Variants in RARS1 observed in about 807,000 individuals in gnomAD.
RARS1 encodes the protein arginine--tRNA ligase, cytoplasmic.
Under a neutral mutation model 78.7 loss-of-function variants are expected in RARS1, and 75 were observed. The observed-to-expected ratio is 0.95, with a 90% CI of 0.79 to 1.15. The LOEUF is 1.15. Among genes scored for constraint, RARS1 ranks in the 50% most tolerant of loss-of-function variants. The probability of loss-of-function intolerance (pLI) is 0.00; values close to 1 mark genes in which losing one functional copy is unlikely to be tolerated. For missense variants in RARS1, 787 were observed against 787.5 expected (o/e 1.00, Z 0.01); for synonymous variants, 273 against 268.2 (o/e 1.02, Z -0.18).
intron 5 of RARS1, 73 bp downstream of exon 5, chr5:168,494,723 T>C (rs1370598961): frequency 1.9e-6 from 2 of 1,080,038 alleles, no homozygotes; most frequent in East Asian, 4.8e-5. Flanking sequence ...GGTATGTGCC[T>C]ATAGTCTCAG....
chr5:168,504,741 C>T (rs1316065174), intron 9 of RARS1, among the ~76,000 whole-genome samples: 10 of 151,962 alleles, frequency 6.6e-5, no homozygotes, highest in African/African-American at 2.2e-4. Flanking sequence ...AGGAGAATGG[C>T]GTGAACCCGG....
intron 9 of RARS1, among the ~76,000 whole-genome samples, chr5:168,505,714 GAAAAAAA>G (rs60743864): frequency 2.6e-5 from 3 of 114,246 alleles, no homozygotes; most frequent in Admixed American, 9.0e-5. Flanking sequence ...TATCAAAAAA[GAAAAAAA>G]AAAAAAAAAA....
At chr5:168,513,722 A>G (rs1345400313) in intron 12 of RARS1, among the ~76,000 whole-genome samples, 1 of 152,046 alleles carries the variant, frequency 6.6e-6, no homozygotes, top group South Asian at 2.1e-4. Context: ...ATTATTTTGC[A>G]TTAGACAATC....
chr5:168,494,030 A>G (rs1758134815), intron 4 of RARS1, 28 bp downstream of exon 4: 1 of 1,548,658 alleles, frequency 6.5e-7, no homozygotes, highest in Non-Finnish European at 8.9e-7. Context: ...CCTTCTTAAT[A>G]GTTGTATTGA....
Position 168,492,789 on chromosome 5 carries a change from C to A in RARS1, c.311C>A (p.Pro104Gln), listed in dbSNP as rs761341589. The A allele has an allele frequency of 6.2e-7, 1 of 1,613,736 alleles. No homozygotes were observed. The part of the protein sequence containing the change: ...DLENPPLLVT[P>Q]SQQAKFGDYQ... Reference sequence around the variant, plus strand: ...GAAAATCCTCCTCTGCTAGTGACACCAAGTCAGCAGGCCAAGTTTGGGGAC... The same window carrying A: ...GAAAATCCTCCTCTGCTAGTGACACAAAGTCAGCAGGCCAAGTTTGGGGAC... Residue 104 changes from proline (P) to glutamine (Q), a missense_variant, in exon 3 of 15, where the codon CCA becomes CAA. Transcript: ENST00000231572.
At chr5:168,505,860 A>G (rs1360777252) in intron 9 of RARS1, among the ~76,000 whole-genome samples, 161 bp from the exon 10 acceptor site, 1 of 152,138 alleles carries the variant, frequency 6.6e-6, no homozygotes, top group African/African-American at 2.4e-5. Context: ...TTTCTAATAG[A>G]TCATGGTGAG....
intron 13 of RARS1, among the ~76,000 whole-genome samples, chr5:168,517,436 C>T (rs1254206409): frequency 1.3e-5 from 2 of 152,194 alleles, no homozygotes; most frequent in Non-Finnish European, 2.9e-5. Flanking sequence ...AGCCATCACG[C>T]TCAGCCTAAA....
chr5:168,511,715 A>G (rs901518095), intron 12 of RARS1, among the ~76,000 whole-genome samples: 2 of 152,198 alleles, frequency 1.3e-5, no homozygotes, highest in Non-Finnish European at 2.9e-5. Flanking sequence ...TTTTACATAT[A>G]TATGCCTTAG....
At position 168,492,779 on chromosome 5, in the gene RARS1, C is replaced by G. The variant is rs2152903681; in HGVS notation, c.301C>G (p.Leu101Val). 1 of 1,613,880 alleles carries G rather than the reference C, an allele frequency of 6.2e-7. No homozygotes were observed. Among genetic ancestry groups the G allele is most frequent in the Non-Finnish European group, 8.5e-7 (1 of 1,179,806 alleles). ...TCCAGATTTGGAAAATCCTCCTCTG[C>G]TAGTGACACCAAGTCAGCAGGCCAA... ...AYPDLENPPL[L>V]VTPSQQAKFG... Residue 101 changes from leucine (L) to valine (V), a missense_variant, in exon 3 of 15, where the codon CTA becomes GTA. Transcript: ENST00000231572.
intron 7 of RARS1, 92 bp from the exon 8 acceptor site, chr5:168,500,499 T>TTG: frequency 1.6e-6 from 2 of 1,215,628 alleles, no homozygotes; most frequent in Non-Finnish European, 2.1e-6. Flanking sequence ...CTCACTGTGT[T>TTG]TGTGTGTGTA....
chr5:168,511,638 C>T (rs914135360), intron 12 of RARS1, among the ~76,000 whole-genome samples: 1 of 152,108 alleles, frequency 6.6e-6, no homozygotes, highest in African/African-American at 2.4e-5. Flanking sequence ...CTCTTTTTAA[C>T]CACTCCAGCT....
At chr5:168,510,206 C>A (rs1276100636) in intron 11 of RARS1, among the ~76,000 whole-genome samples, 2 of 152,138 alleles carry the variant, frequency 1.3e-5, no homozygotes, top group Non-Finnish European at 2.9e-5. Flanking sequence ...AACATCTAAG[C>A]CAAACTTAGT....
intron 12 of RARS1, among the ~76,000 whole-genome samples, chr5:168,511,226 G>T (rs1252567244): frequency 6.7e-6 from 1 of 150,092 alleles, no homozygotes; most frequent in Non-Finnish European, 1.5e-5. Context: ...GTTTAGAGCA[G>T]TAGAGGAGAG....
chr5:168,508,481 G>T (rs990290535), intron 11 of RARS1, among the ~76,000 whole-genome samples: 4 of 151,702 alleles, frequency 2.6e-5, no homozygotes, highest in African/African-American at 7.3e-5. Flanking sequence ...TTAGTTGGGC[G>T]TGGTGGTGGG....
chr5:168,510,463 T>G, intron 11 of RARS1, 118 bp from the exon 12 acceptor site: 1 of 741,238 alleles, frequency 1.3e-6, no homozygotes, highest in Admixed American at 2.7e-5. Context: ...ATATGTACCT[T>G]AGAGATTTAA....
intron 11 of RARS1, 65 bp downstream of exon 11, chr5:168,506,896 A>C (rs1758460235): frequency 2.4e-6 from 3 of 1,268,760 alleles, no homozygotes; most frequent in Non-Finnish European, 3.4e-6. Context: ...TTTTCATTTG[A>C]TACCATATTA....
intron 7 of RARS1, 80 bp from the exon 8 acceptor site, chr5:168,500,510 GA>G: frequency 7.7e-7 from 1 of 1,291,450 alleles, no homozygotes; most frequent in Non-Finnish European, 1.0e-6. Context: ...TGTGTGTGTA[GA>G]AATGTGTAAG....
chr5:168,516,827 G>A lies in RARS1; in HGVS notation c.1502G>A (p.Gly501Asp). 6.2e-7 allele frequency: 1 copy of A among 1,614,116 alleles called. No homozygotes were observed. The highest frequency in any genetic ancestry group is 1.6e-4 in the Middle Eastern group (1 of 6,062). The part of the protein sequence containing the change: ...LNAAQTSVAY[G>D]CIKYADLSHN... ...GCTGCTCAGACATCCGTTGCGTATG[G>A]CTGCATCAAATATGCTGACCTTTCC... The change falls in exon 13 of 15, where the codon GGC (glycine) becomes GAC (aspartate). Residue 501 changes from glycine to aspartate, a missense_variant. By Grantham distance (94) the Gly-to-Asp change is moderately conservative. Transcript: ENST00000231572.
At position 168,506,736 on chromosome 5, in the gene RARS1, G is replaced by T; in HGVS notation, c.1251G>T (p.Gln417His). The change falls in exon 11 of 15, where the codon CAG (glutamine) becomes CAT (histidine). Residue 417 changes from glutamine to histidine, a missense_variant. Gln to His is a conservative substitution (Grantham distance 24). Transcript: ENST00000231572. The stretch of plus-strand genomic sequence containing the variant: ...TTCTGTTGTAGTCTGTGCACTTCCA[G>T]ACAATATTTGCTGCTGCTCAAATGA... ...VVDNGQSVHF[Q>H]TIFAAAQMIG... 6.2e-7 allele frequency: 1 copy of T among 1,612,878 alleles called. No individual in the cohort carries two copies. Among genetic ancestry groups the T allele is most frequent in the Non-Finnish European group, 8.5e-7 (1 of 1,179,214 alleles).
Sources: gnomAD v4.1 joint callset for allele counts (sites outside exome capture counted in the v4.1 genomes callset) on GRCh38, gnomAD v4.1.1 for gene constraint, MANE v1.5 for transcripts, NCBI Gene and HGNC (gene_info 2026-07-23, HGNC 2026-07-21) for gene names.